Variants in TENM4 observed in about 807,000 individuals in gnomAD.
TENM4 encodes teneurin-4.
In TENM4, 82 loss-of-function variants were observed where a neutral mutation model predicts 243.3. That is an observed-to-expected ratio of 0.34 (90% confidence interval 0.28 to 0.40). The LOEUF (loss-of-function observed/expected upper bound fraction) is 0.40, where lower values mean the gene tolerates loss of function less well. Among genes scored for constraint, TENM4 ranks in the 10% least tolerant of loss-of-function variants. TENM4 has a pLI of 1.00. For missense variants in TENM4, 3,138 were observed against 3,673.3 expected (o/e 0.85, Z 3.77); for synonymous variants, 1,412 against 1,456.3 (o/e 0.97, Z 0.69).
At chr11:79,301,534 T>C (rs1029994879) in intron 1 of TENM4, among the ~76,000 whole-genome samples, 4 of 152,194 alleles carry the variant, frequency 2.6e-5, no homozygotes, top group African/African-American at 9.6e-5. Context: ...AGGGTTTCCT[T>C]TGCAGCACAT....
At chr11:78,794,670 C>A (rs897278454) in intron 15 of TENM4, among the ~76,000 whole-genome samples, 3 of 152,168 alleles carry the variant, frequency 2.0e-5, no homozygotes, top group African/African-American at 7.2e-5. Flanking sequence ...AATAAAGGCA[C>A]AGAGACCAGG....
At chr11:79,346,076 A>G (rs1857321413) in intron 1 of TENM4, among the ~76,000 whole-genome samples, 1 of 152,232 alleles carries the variant, frequency 6.6e-6, no homozygotes, top group Admixed American at 6.5e-5. Flanking sequence ...TCTGAAAAGC[A>G]TAAGATGGCT....
chr11:79,083,916 T>C (rs1860740868), intron 4 of TENM4, among the ~76,000 whole-genome samples: 1 of 152,210 alleles, frequency 6.6e-6, no homozygotes. Context: ...GAGAAAATTT[T>C]TGCAAACCAC....
chr11:78,950,351 G>T (rs552377872), intron 6 of TENM4, among the ~76,000 whole-genome samples: 14 of 152,246 alleles, frequency 9.2e-5, no homozygotes, highest in African/African-American at 3.1e-4. Flanking sequence ...CATGCAGCTT[G>T]ATCCTCTGTG....
chr11:78,695,656 C>G lies in TENM4; in HGVS notation c.5087+5870G>C, dbSNP rs138118080. On this transcript the variant is annotated intron_variant, in intron 28 of 33. Transcript: ENST00000278550. ...GGGATTACAGGTGTGAGCCACTGCA[C>G]CTGGCTGTGGACAGTTTTTCTTTTT... Among the ~76,000 whole-genome samples, 1,184 of 151,518 alleles carry G rather than the reference C, an allele frequency of 7.8e-3. 4 individuals are homozygous for G. The highest frequency in any genetic ancestry group is 0.014 in the Non-Finnish European group (974 of 68,016).
chr11:78,798,617 G>C (rs1467184180), intron 15 of TENM4, among the ~76,000 whole-genome samples: 1 of 152,136 alleles, frequency 6.6e-6, no homozygotes, highest in African/African-American at 2.4e-5. Flanking sequence ...TTTGGATCCT[G>C]CCTACCTCTG....
intron 28 of TENM4, 109 bp downstream of exon 28, chr11:78,701,417 G>T: frequency 7.4e-7 from 1 of 1,353,370 alleles, no homozygotes; most frequent in Non-Finnish European, 9.9e-7. Context: ...ATAAGTAATA[G>T]TTTTTATCCC....
chr11:79,309,319 T>A (rs1856680602), intron 1 of TENM4, among the ~76,000 whole-genome samples: 1 of 152,216 alleles, frequency 6.6e-6, no homozygotes, highest in South Asian at 2.1e-4. Context: ...AAGGAAAAGA[T>A]GAAGCAGGTC....
At chr11:79,364,824 T>C (rs1482055878) in intron 1 of TENM4, among the ~76,000 whole-genome samples, 1 of 152,222 alleles carries the variant, frequency 6.6e-6, no homozygotes, top group Non-Finnish European at 1.5e-5. Flanking sequence ...CTACATTTGC[T>C]TTAAATATCA....
At chr11:78,950,386 GC>G (rs1338469832) in intron 6 of TENM4, among the ~76,000 whole-genome samples, 1 of 152,176 alleles carries the variant, frequency 6.6e-6, no homozygotes, top group African/African-American at 2.4e-5. Flanking sequence ...ATAGTGCAGG[GC>G]GGGGGGAGAA....
In TENM4 at chr11:78,658,616, G is replaced by A. The variant is rs780522615; in HGVS notation, c.7752C>T (p.Ile2584=). 49 of 1,613,920 alleles carry A rather than the reference G, an allele frequency of 3.0e-5. No homozygotes were observed. The highest frequency in any genetic ancestry group is 4.0e-5 in the Non-Finnish European group (47 of 1,179,910). Residue 2584 remains isoleucine (I), a synonymous_variant, in exon 34 of 34, where the codon ATC becomes ATT. Transcript: ENST00000278550. ...TTCGCCCATCCTCATTGGCCACACT[G>A]ATGATGTCTGTGGTCACTCGGCCAT... ...LKDGRVTTDI[I]SVANEDGRRV...
intron 7 of TENM4, among the ~76,000 whole-genome samples, chr11:78,895,545 C>T (rs1855772836): frequency 6.6e-6 from 1 of 152,084 alleles, no homozygotes; most frequent in South Asian, 2.1e-4. Context: ...GGAACCTCCC[C>T]TCAAATCTCC....
intron 6 of TENM4, among the ~76,000 whole-genome samples, chr11:78,973,778 A>T (rs2136588709): frequency 6.6e-6 from 1 of 150,648 alleles, no homozygotes; most frequent in East Asian, 2.0e-4. Flanking sequence ...AATGGCAAAA[A>T]CCATAATTAC....
intron 1 of TENM4, among the ~76,000 whole-genome samples, chr11:79,424,986 T>TAAA (rs1565341379): frequency 1.3e-5 from 2 of 152,110 alleles, no homozygotes; most frequent in African/African-American, 4.8e-5. Context: ...CTGGTCTAGT[T>TAAA]GTGGCTCAGC....
In TENM4 at chr11:78,664,577, C is replaced by G. The variant is rs550004270; in HGVS notation, c.7409-2986G>C. ...TCAGTACCCACTCACAGAAGATTTT[C>G]TCTATTTTCCACCAACCCATGCTTC... On this transcript the variant is annotated intron_variant, in intron 32 of 33. Transcript: ENST00000278550. 5.9e-5 allele frequency among the ~76,000 whole-genome samples: 9 copies of G among 152,302 alleles called. No individual in the cohort carries two copies. The East Asian group carries it at 1.7e-3, about 29-fold the overall frequency.
chr11:79,034,531 T>C (rs1418435853), intron 6 of TENM4, among the ~76,000 whole-genome samples: 1 of 152,214 alleles, frequency 6.6e-6, no homozygotes, highest in Non-Finnish European at 1.5e-5. Context: ...GAACAAAATG[T>C]TCTGAAGAAA....
chr11:78,855,757 T>C (rs1300633825), intron 11 of TENM4, among the ~76,000 whole-genome samples: 1 of 152,224 alleles, frequency 6.6e-6, no homozygotes, highest in East Asian at 1.9e-4. Flanking sequence ...AGAGATTTCC[T>C]AGAATTCTTT....
intron 9 of TENM4, among the ~76,000 whole-genome samples, chr11:78,870,950 CT>C (rs1205905167): frequency 6.6e-6 from 1 of 152,164 alleles, no homozygotes; most frequent in Non-Finnish European, 1.5e-5. Flanking sequence ...TTCTGGGCAC[CT>C]TTCCCCGGGT....
At chr11:79,006,472 C>A (rs886880726) in intron 6 of TENM4, among the ~76,000 whole-genome samples, 2 of 152,188 alleles carry the variant, frequency 1.3e-5, no homozygotes, top group African/African-American at 4.8e-5. Context: ...AGTTCAGAAC[C>A]TTGGTCAGGT....
Sources: allele counts gnomAD v4.1 joint callset (sites outside exome capture counted in the v4.1 genomes callset), GRCh38; gene constraint gnomAD v4.1.1; transcripts MANE v1.5; gene names NCBI Gene and HGNC (gene_info 2026-07-23, HGNC 2026-07-21).